The following CEP63 variants were observed in gnomAD, a reference collection of about 807,000 sequenced individuals.
CEP63 encodes the protein centrosomal protein of 63 kDa.
Under a neutral mutation model 89.1 loss-of-function variants are expected in CEP63, and 84 were observed. The observed-to-expected ratio is 0.94, with a 90% CI of 0.79 to 1.13. The LOEUF (loss-of-function observed/expected upper bound fraction) is 1.13. Among genes scored for constraint, CEP63 ranks in the 50% most tolerant of loss-of-function variants. CEP63 has a pLI of 0.00. For synonymous variants in CEP63, 267 were observed against 272.5 expected (o/e 0.98, Z 0.20); for missense variants, 838 against 813.3 (o/e 1.03, Z -0.37).
chr3:134,668,606 A>G, the CEP63 span, among the ~76,000 whole-genome samples: 12 of 152,168 alleles, frequency 7.9e-5, no homozygotes, highest in Non-Finnish European at 1.5e-4. Flanking sequence ...AGCTGCTTTT[A>G]GCAAAGCAGA....
At chr3:134,574,048 C>T (rs956988856) in intron 11 of CEP63, among the ~76,000 whole-genome samples, 8 of 152,320 alleles carry the variant, frequency 5.3e-5, no homozygotes, top group Middle Eastern at 3.4e-3. Flanking sequence ...GCTTGACATG[C>T]AGCCTCGTGG....
At chr3:134,674,501 T>C in the CEP63 span, among the ~76,000 whole-genome samples, 2 of 152,200 alleles carry the variant, frequency 1.3e-5, no homozygotes, top group Non-Finnish European at 2.9e-5. Context: ...GGTAAAAGAC[T>C]GAAAGCCTTC....
At chr3:134,608,105 G>A in the CEP63 span, 1 of 1,126,772 alleles carries the variant, frequency 8.9e-7, no homozygotes, top group Non-Finnish European at 1.1e-6. Context: ...GACCCATGTT[G>A]CTCCCCATCC....
chr3:134,739,256 A>C, the CEP63 span, among the ~76,000 whole-genome samples: 1 of 152,236 alleles, frequency 6.6e-6, no homozygotes, highest in African/African-American at 2.4e-5. Flanking sequence ...CAATTGATCA[A>C]TGTATAAATA....
chr3:134,724,188 T>G, the CEP63 span, among the ~76,000 whole-genome samples: 1 of 152,178 alleles, frequency 6.6e-6, no homozygotes, highest in Non-Finnish European at 1.5e-5. Context: ...GCCTATGTGA[T>G]TCTACATTTC....
chr3:134,500,227 A>C (rs1941545460), intron 2 of CEP63, among the ~76,000 whole-genome samples: 1 of 152,204 alleles, frequency 6.6e-6, no homozygotes, highest in Non-Finnish European at 1.5e-5. Context: ...TAATTTGCTT[A>C]GGATAATAGC....
chr3:134,637,366 TTTTA>T, the CEP63 span, among the ~76,000 whole-genome samples: 1 of 152,244 alleles, frequency 6.6e-6, no homozygotes, highest in Non-Finnish European at 1.5e-5. Context: ...CTGAGGTGTC[TTTTA>T]AAGTGAGTGC....
At chr3:134,761,374 G>A in the CEP63 span, among the ~76,000 whole-genome samples, 1 of 152,202 alleles carries the variant, frequency 6.6e-6, no homozygotes, top group Non-Finnish European at 1.5e-5. Context: ...AGAGGGCAAG[G>A]TCAGGACTTG....
intron 3 of CEP63, among the ~76,000 whole-genome samples, chr3:134,512,374 A>G (rs547651725): frequency 1.3e-5 from 2 of 152,322 alleles, no homozygotes; most frequent in African/African-American, 2.4e-5. Flanking sequence ...AGCTCCCTAC[A>G]GGGCACGTTG....
At position 134,561,470 on chromosome 3, in the gene CEP63, G is replaced by T. The variant is rs1334935361; in HGVS notation, c.2047G>T (p.Ala683Ser). The T allele has an allele frequency of 1.2e-6, 2 of 1,613,928 alleles. No homozygotes were observed. Among genetic ancestry groups the T allele is most frequent in the South Asian group, 2.2e-5 (2 of 91,086 alleles). The change falls in exon 15 of 15, where the codon GCC (alanine) becomes TCC (serine). Residue 683 changes from alanine (A) to serine (S), a missense_variant. Coordinates refer to ENST00000675561, the MANE Select transcript of CEP63 (RefSeq NM_001353108.3). ...TCATCACATTCTAGAGCGCTTGGAT[G>T]CCCATATTGAAGAACTAAAAAGAGA... ...RSHHILERLD[A>S]HIEELKRESE...
chr3:134,587,482 G>A (rs1193840025), exon 11 of CEP63, among the ~76,000 whole-genome samples: 2 of 152,152 alleles, frequency 1.3e-5, no homozygotes, highest in Non-Finnish European at 2.9e-5. Flanking sequence ...GAGTTTGCTG[G>A]AGGTCCACTC....
chr3:134,538,208 T>C (rs1444149459), intron 6 of CEP63, among the ~76,000 whole-genome samples: 1 of 151,254 alleles, frequency 6.6e-6, no homozygotes, highest in East Asian at 1.9e-4. Context: ...GTTTTTTTTT[T>C]TTTTTTTTTT....
intron 3 of CEP63, among the ~76,000 whole-genome samples, chr3:134,515,897 C>T (rs955848412): frequency 3.3e-5 from 5 of 152,136 alleles, no homozygotes; most frequent in African/African-American, 1.2e-4. Flanking sequence ...CCACATATGG[C>T]CTGTGGCTTA....
At chr3:134,513,730 G>A (rs1053919030) in intron 3 of CEP63, among the ~76,000 whole-genome samples, 1 of 152,156 alleles carries the variant, frequency 6.6e-6, no homozygotes, top group East Asian at 1.9e-4. Flanking sequence ...CACCCTAGGA[G>A]TAAGGATGGA....
chr3:134,567,565 A>G (rs542221891), downstream of CEP63, among the ~76,000 whole-genome samples: 3 of 151,662 alleles, frequency 2.0e-5, no homozygotes, highest in Non-Finnish European at 4.4e-5. Context: ...AAGCTATTCT[A>G]AAGTTTTCTA....
chr3:134,490,494 A>G (rs555073491), intron 1 of CEP63, among the ~76,000 whole-genome samples: 1 of 152,244 alleles, frequency 6.6e-6, no homozygotes, highest in Non-Finnish European at 1.5e-5. Context: ...AAATTATTGT[A>G]TTTAAAGGCA....
At chr3:134,613,752 C>T in the CEP63 span, among the ~76,000 whole-genome samples, 1 of 152,156 alleles carries the variant, frequency 6.6e-6, no homozygotes, top group African/African-American at 2.4e-5. Flanking sequence ...ATGAATTGGA[C>T]AAAGAAGGTC....
the CEP63 span, among the ~76,000 whole-genome samples, chr3:134,721,656 GT>G: frequency 2.6e-5 from 4 of 152,042 alleles, no homozygotes; most frequent in Non-Finnish European, 5.9e-5. Flanking sequence ...TATGTTTCTA[GT>G]TTGTTGAGTG....
chr3:134,530,163 G>A (rs973659289), intron 3 of CEP63, among the ~76,000 whole-genome samples: 2 of 152,070 alleles, frequency 1.3e-5, no homozygotes, highest in African/African-American at 4.8e-5. Flanking sequence ...ATGAGCCACC[G>A]CGCCCAACAA....
Sources: allele counts gnomAD v4.1 joint callset (sites outside exome capture counted in the v4.1 genomes callset), GRCh38; gene constraint gnomAD v4.1.1; transcripts MANE v1.5; gene names NCBI Gene and HGNC (gene_info 2026-07-23, HGNC 2026-07-21).